The following PXDNL variants were observed in gnomAD, a reference collection of about 807,000 sequenced individuals.
PXDNL encodes probable oxidoreductase PXDNL.
Under a neutral mutation model 150.8 loss-of-function variants are expected in PXDNL, and 145 were observed. The ratio of observed to expected loss-of-function variants is 0.96; its 90% CI spans 0.84 to 1.10. The LOEUF is 1.10. Among genes scored for constraint, PXDNL ranks in the 50% least tolerant of loss-of-function variants. The pLI is 0.00. For synonymous variants in PXDNL, 757 were observed against 725.7 expected (o/e 1.04, Z -0.69); for missense variants, 2,087 against 1,873.9 (o/e 1.11, Z -2.10).
chr8:51,570,603 C>T (rs1414032842), intron 3 of PXDNL, among the ~76,000 whole-genome samples: 2 of 151,876 alleles, frequency 1.3e-5, no homozygotes, highest in Non-Finnish European at 2.9e-5. Flanking sequence ...AACATGAAAA[C>T]CCACCAAATC....
At chr8:51,787,179 G>A (rs2037468103) in intron 1 of PXDNL, among the ~76,000 whole-genome samples, 1 of 151,972 alleles carries the variant, frequency 6.6e-6, no homozygotes. Context: ...CTCTGATGGA[G>A]ATGTACAAGG....
rs117752382 is a variant in PXDNL at position 51,372,000 on chromosome 8, A to T, written c.3774T>A (p.Cys1258Ter). 0.016 allele frequency: 25,411 copies of T among 1,613,468 alleles called. 335 individuals carry two copies. Among genetic ancestry groups the T allele is most frequent in the Middle Eastern group, 0.054 (325 of 6,052 alleles). Residue 1258 changes from cysteine (C) to a stop codon, truncating the protein, a stop_gained, in exon 19 of 23, where the codon TGT becomes TGA. Transcript: ENST00000356297. LOFTEE classifies it high-confidence loss of function. ...CTTGCTGAATGCTGTCACCATTGTCACAAAGCACCCGGCTCAGGGACGCCT... is the reference window on the plus strand; with the variant it reads ...CTTGCTGAATGCTGTCACCATTGTCTCAAAGCACCCGGCTCAGGGACGCCT... ...LKQASLSRVL[C>*]DNGDSIQQVQ... is the part of the protein sequence containing the mutation.
chr8:51,750,540 T>C (rs575257996), intron 1 of PXDNL, among the ~76,000 whole-genome samples: 76 of 152,346 alleles, frequency 5.0e-4, no homozygotes, highest in Admixed American at 1.5e-3. Context: ...CACTGTCATA[T>C]ACACTGTCCA....
At position 51,621,554 on chromosome 8, in the gene PXDNL, A is replaced by G. The variant is rs188249776; in HGVS notation, c.237-28856T>C. On this transcript the variant is annotated intron_variant, in intron 2 of 22. Transcript: ENST00000356297. ...GGAGGATATGGTAGACGGGATTCTA[A>G]GATGCCAGACCCCAGGATCTATTCC... 1.0e-3 allele frequency among the ~76,000 whole-genome samples: 155 copies of G among 152,044 alleles called. 1 individual carries two copies. The highest frequency in any genetic ancestry group is 2.0e-3 in the Admixed American group (30 of 15,246).
At chr8:51,487,659 T>C (rs1810795549) in intron 5 of PXDNL, among the ~76,000 whole-genome samples, 1 of 152,196 alleles carries the variant, frequency 6.6e-6, no homozygotes, top group Non-Finnish European at 1.5e-5. Context: ...TTTTGCTTGG[T>C]AACGTAGTAG....
At chr8:51,767,212 T>C (rs4292674) in intron 1 of PXDNL, among the ~76,000 whole-genome samples, 27,195 of 151,894 alleles carry the variant, frequency 0.18, 2,841 homozygotes, top group Non-Finnish European at 0.22. Flanking sequence ...ATGCTTGAGC[T>C]ATACTTTCCT....
At chr8:51,642,863 C>A (rs199792461) in intron 2 of PXDNL, among the ~76,000 whole-genome samples, 1 of 152,056 alleles carries the variant, frequency 6.6e-6, no homozygotes, top group Non-Finnish European at 1.5e-5. Flanking sequence ...ACAAAATCAA[C>A]GTGCAAAAAT....
intron 3 of PXDNL, among the ~76,000 whole-genome samples, chr8:51,579,256 G>C (rs1242773870): frequency 6.6e-6 from 1 of 151,918 alleles, no homozygotes; most frequent in Non-Finnish European, 1.5e-5. Flanking sequence ...AAACTTAACA[G>C]TACAAAACCC....
intron 4 of PXDNL, among the ~76,000 whole-genome samples, chr8:51,522,486 C>T (rs1268119752): frequency 1.3e-5 from 2 of 152,156 alleles, no homozygotes; most frequent in Admixed American, 1.3e-4. Flanking sequence ...AACAAACTAC[C>T]AGAGAAGTTC....
chr8:51,643,253 G>T (rs1160501859), intron 2 of PXDNL, among the ~76,000 whole-genome samples: 1 of 152,148 alleles, frequency 6.6e-6, no homozygotes, highest in Admixed American at 6.6e-5. Context: ...TAAGCAAAAA[G>T]AACAAAGCTG....
chr8:51,339,808 T>C, intron 20 of PXDNL, 55 bp from the exon 21 acceptor site: 2 of 1,544,794 alleles, frequency 1.3e-6, no homozygotes, highest in Non-Finnish European at 8.8e-7. Flanking sequence ...GTGTGAGAAT[T>C]TTAAAATATC....
At chr8:51,758,330 A>T (rs2037124905) in intron 1 of PXDNL, among the ~76,000 whole-genome samples, 1 of 152,224 alleles carries the variant, frequency 6.6e-6, no homozygotes, top group Non-Finnish European at 1.5e-5. Flanking sequence ...AAGTATCACA[A>T]ATTCCATGCT....
chr8:51,529,691 GA>G (rs1304183435), intron 4 of PXDNL, among the ~76,000 whole-genome samples: 1 of 152,064 alleles, frequency 6.6e-6, no homozygotes, highest in African/African-American at 2.4e-5. Flanking sequence ...CTTCTACTGT[GA>G]ACTCCAGATG....
At chr8:51,618,123 C>T (rs1414042795) in intron 2 of PXDNL, among the ~76,000 whole-genome samples, 1 of 152,236 alleles carries the variant, frequency 6.6e-6, no homozygotes. Context: ...GCTACCTCGC[C>T]ACACAAGCTG....
At chr8:51,645,520 G>A (rs1248574516) in intron 2 of PXDNL, among the ~76,000 whole-genome samples, 1 of 152,174 alleles carries the variant, frequency 6.6e-6, no homozygotes, top group Non-Finnish European at 1.5e-5. Context: ...ATTAGCTTTG[G>A]CTGTAGGTGA....
At chr8:51,397,741 A>G (rs1040546739) in intron 17 of PXDNL, among the ~76,000 whole-genome samples, 34 of 152,158 alleles carry the variant, frequency 2.2e-4, no homozygotes, top group Non-Finnish European at 1.3e-4. Context: ...ACTCAGGTCT[A>G]AGTAGGGAGA....
intron 1 of PXDNL, among the ~76,000 whole-genome samples, chr8:51,804,696 G>T (rs1585763829): frequency 2.0e-5 from 3 of 152,190 alleles, no homozygotes; most frequent in Admixed American, 2.0e-4. Flanking sequence ...TTCATTTATA[G>T]AATCTACAGT....
chr8:51,344,923 T>G (rs1401338602), intron 20 of PXDNL, among the ~76,000 whole-genome samples: 2 of 152,198 alleles, frequency 1.3e-5, no homozygotes, highest in African/African-American at 4.8e-5. Context: ...CTCTAAAGCC[T>G]TCACACTTCT....
intron 12 of PXDNL, among the ~76,000 whole-genome samples, chr8:51,443,250 G>A (rs1329890648): frequency 2.0e-5 from 3 of 152,096 alleles, no homozygotes; most frequent in Non-Finnish European, 4.4e-5. Context: ...AAAATAAAAT[G>A]CATAAGTAAG....
Sources: allele counts gnomAD v4.1 joint callset (sites outside exome capture counted in the v4.1 genomes callset), GRCh38; gene constraint gnomAD v4.1.1; transcripts MANE v1.5; gene names NCBI Gene and HGNC (gene_info 2026-07-23, HGNC 2026-07-21).